The following KIAA1549L variants were observed in gnomAD, a reference collection of about 807,000 sequenced individuals.
KIAA1549L encodes the protein UPF0606 protein KIAA1549L.
A neutral mutation model predicts 160.7 loss-of-function variants in KIAA1549L; 88 were observed. The observed-to-expected ratio is 0.55, with a 90% CI of 0.46 to 0.65. KIAA1549L has a LOEUF of 0.65. Ranked by LOEUF, KIAA1549L falls within the 30% of genes least tolerant of loss-of-function variation. The pLI, the probability that KIAA1549L is intolerant of heterozygous loss-of-function variation, is 0.00. For missense variants in KIAA1549L, 2,258 were observed against 2,437.5 expected (o/e 0.93, Z 1.55); for synonymous variants, 950 against 976.7 (o/e 0.97, Z 0.51).
Position 33,542,418 on chromosome 11 carries a change from G to A in KIAA1549L, c.855G>A (p.Gln285=). 1 of 1,562,158 alleles carries A rather than the reference G, an allele frequency of 6.4e-7. No homozygotes were observed. Among genetic ancestry groups the A allele is most frequent in the Non-Finnish European group, 8.7e-7 (1 of 1,147,508 alleles). The change falls in exon 2 of 21, where the codon CAG becomes CAA. Residue 285 remains glutamine, a synonymous_variant. Transcript: ENST00000658780. ...QTAPADPSLG[Q]NIANPLIPFS... ...CTCCAGCCGACCCCTCTTTAGGTCA[G>A]AACATAGCTAATCCCTTAATCCCAT...
rs1853624939 is a variant in KIAA1549L at position 33,526,856 on chromosome 11, C to G, written c.239-14946C>G. On this transcript the variant is annotated intron_variant, in intron 1 of 20. Coordinates refer to ENST00000658780, the MANE Select transcript of KIAA1549L (RefSeq NM_012194.3). ...TCAGAAAGTTGATTATTAAGCTACT[C>G]AAGGAGGTACCAGAGAAAAGTGAAA... 2.6e-5 allele frequency among the ~76,000 whole-genome samples: 4 copies of G among 151,962 alleles called. No individual in the cohort carries two copies. The South Asian group carries it at 8.3e-4, about 32-fold the overall frequency.
chr11:33,498,838 C>T (rs980863000), intron 1 of KIAA1549L, among the ~76,000 whole-genome samples: 8 of 152,026 alleles, frequency 5.3e-5, no homozygotes, highest in Admixed American at 2.6e-4. Context: ...TGCAGAGGGG[C>T]GAGGAAAAGG....
intron 1 of KIAA1549L, among the ~76,000 whole-genome samples, chr11:33,415,671 G>C (rs1850874107): frequency 6.6e-6 from 1 of 152,166 alleles, no homozygotes; most frequent in Admixed American, 6.5e-5. Context: ...ACCTTCCTAA[G>C]TAAGCTACAT....
rs998146307 is a variant in KIAA1549L at position 33,670,384 on chromosome 11, A to G, written c.*2230A>G. On this transcript the variant is annotated 3_prime_UTR_variant, in exon 21 of 21. Coordinates refer to ENST00000658780, the MANE Select transcript of KIAA1549L (RefSeq NM_012194.3). Reference sequence around the variant, plus strand: ...ACAGTTTGCAGAGCTATGGCTCCAGAGTGCTAAGAGGGTGGAGTCACAAAT... The same window carrying G: ...ACAGTTTGCAGAGCTATGGCTCCAGGGTGCTAAGAGGGTGGAGTCACAAAT... 1 of 152,230 alleles carries G rather than the reference A, an allele frequency of 6.6e-6. No individual in the cohort carries two copies. Among genetic ancestry groups the G allele is most frequent in the African/African-American group, 2.4e-5 (1 of 41,444 alleles). The allele number at this position is 152,230 out of a possible 1,614,324, so 9.4% of individuals were successfully genotyped here. A position where few individuals can be genotyped will look rare whatever the true frequency, so the allele number is the denominator to read the frequency against.
intron 1 of KIAA1549L, among the ~76,000 whole-genome samples, chr11:33,466,326 T>G (rs1193736323): frequency 1.3e-5 from 2 of 152,144 alleles, no homozygotes; most frequent in Admixed American, 6.5e-5. Context: ...CAGACACTTC[T>G]CAAAAAAAGA....
rs1394942738 is a variant in KIAA1549L, at chr11:33,435,796, A to ATGTGTGTG, written c.238+58908_238+58909insGTGTGTGT. ...TATATATATATATATATATATATAT[A>ATGTGTGTG]TATATATATATATATGTGTGTGTAT... On this transcript the variant is annotated intron_variant, in intron 1 of 20. Transcript: ENST00000658780. Among the ~76,000 whole-genome samples the ATGTGTGTG allele has an allele frequency of 5.6e-3, 193 of 34,584 alleles. 2 individuals carry two copies. The highest frequency in any genetic ancestry group is 0.03 in the African/African-American group (170 of 5,612). 22.7% of individuals were successfully genotyped at this position (34,584 alleles called of 152,430 possible).
rs769888532 is a variant in KIAA1549L at position 33,565,705 on chromosome 11, C to CTTTTT, written c.4079-2361_4079-2357dup. Among the ~76,000 whole-genome samples the CTTTTT allele has an allele frequency of 7.0e-4, 92 of 131,584 alleles. 1 individual carries two copies. Among genetic ancestry groups the CTTTTT allele is most frequent in the African/African-American group, 1.2e-3 (44 of 35,706 alleles). The allele number at this position is 131,584 out of a possible 152,430, so 86.3% of individuals were successfully genotyped here. A position where few individuals can be genotyped will look rare whatever the true frequency, so the allele number is the denominator to read the frequency against. On this transcript the variant is annotated intron_variant, in intron 8 of 20. Coordinates refer to ENST00000658780, the MANE Select transcript of KIAA1549L (RefSeq NM_012194.3). ...ACAGCCTCTGGCACTTCCGTGGAGGCTTTTTTTTTTTTTTCAAAAAAATTT... is the reference window on the plus strand; with the variant it reads ...ACAGCCTCTGGCACTTCCGTGGAGGCTTTTTTTTTTTTTTTTTTTCAAAAAAATTT...
At position 33,591,193 on chromosome 11, in the gene KIAA1549L, C is replaced by T. The variant is rs773662402; in HGVS notation, c.4567-44C>T. On this transcript the variant is annotated intron_variant, in intron 11 of 20. Coordinates refer to ENST00000658780, the MANE Select transcript of KIAA1549L (RefSeq NM_012194.3). Reference sequence around the variant, plus strand: ...TCTCTTAAAGCCATGGTTAGAGTCACACTTCGCTAGAAATACGACTGCAAA... The same window carrying T: ...TCTCTTAAAGCCATGGTTAGAGTCATACTTCGCTAGAAATACGACTGCAAA... 31 of 1,466,244 alleles carry T rather than the reference C, an allele frequency of 2.1e-5. No individual in the cohort carries two copies. The East Asian group carries it at 6.5e-4, about 31-fold the overall frequency. The allele number at this position is 1,466,244 out of a possible 1,614,324, so 90.8% of individuals were successfully genotyped here.
At chr11:33,665,209 T>C (rs1199856551) in intron 20 of KIAA1549L, 1 of 152,218 alleles carries the variant, frequency 6.6e-6, no homozygotes, top group Non-Finnish European at 1.5e-5. Context: ...TGCAGACACA[T>C]GAAAGGTGAA....
chr11:33,417,313 C>T (rs1015554691), intron 1 of KIAA1549L, among the ~76,000 whole-genome samples: 1 of 152,022 alleles, frequency 6.6e-6, no homozygotes, highest in Non-Finnish European at 1.5e-5. Context: ...CGCATGACAC[C>T]CCCCACCCTG....
chr11:33,564,774 A>T (rs1310146471), intron 8 of KIAA1549L, among the ~76,000 whole-genome samples: 1 of 152,204 alleles, frequency 6.6e-6, no homozygotes, highest in Non-Finnish European at 1.5e-5. Context: ...TGTGGACTTC[A>T]CATTCTCCTT....
At chr11:33,478,579 T>C (rs1248316457) in intron 1 of KIAA1549L, among the ~76,000 whole-genome samples, 1 of 152,136 alleles carries the variant, frequency 6.6e-6, no homozygotes, top group Non-Finnish European at 1.5e-5. Flanking sequence ...AGGAATAGCA[T>C]TTTTTTCCAT....
In KIAA1549L at chr11:33,598,937, G is replaced by A. The variant is rs1318266445; in HGVS notation, c.4869G>A (p.Arg1623=). The A allele has an allele frequency of 6.2e-7, 1 of 1,613,348 alleles. No individual in the cohort carries two copies. The highest frequency in any genetic ancestry group is 8.5e-7 in the Non-Finnish European group (1 of 1,179,678). ...AQQKVTKEEA[R]KRNVPASDEE... ...AGAAAGTGACAAAGGAGGAGGCAAG[G>A]AAGAGAAATGGTGAGAAGCCTTCCC... Residue 1623 remains arginine, a synonymous_variant, in exon 13 of 21, where the codon AGG becomes AGA. Coordinates refer to ENST00000658780, the MANE Select transcript of KIAA1549L (RefSeq NM_012194.3).
intron 18 of KIAA1549L, among the ~76,000 whole-genome samples, chr11:33,657,880 CA>C (rs1488036785): frequency 6.6e-5 from 10 of 152,208 alleles, no homozygotes. Context: ...CCGTGGCTGT[CA>C]TTTGCTCTGT....
intron 8 of KIAA1549L, among the ~76,000 whole-genome samples, chr11:33,562,728 G>C (rs1163147635): frequency 6.7e-6 from 1 of 149,688 alleles, no homozygotes; most frequent in Non-Finnish European, 1.5e-5. Flanking sequence ...GCTCAGGCTG[G>C]AGTGCAATGA....
chr11:33,593,237 G>A (rs1023192061), intron 12 of KIAA1549L, among the ~76,000 whole-genome samples: 4 of 152,112 alleles, frequency 2.6e-5, no homozygotes, highest in Non-Finnish European at 2.9e-5. Flanking sequence ...TGAGACCAAC[G>A]TGGGCAACCA....
intron 17 of KIAA1549L, among the ~76,000 whole-genome samples, chr11:33,651,498 T>C (rs77362090): frequency 5.8e-4 from 21 of 36,360 alleles, no homozygotes; most frequent in African/African-American, 5.7e-3. Flanking sequence ...TGTGCCTCCT[T>C]CTTCCCTGGG....
intron 16 of KIAA1549L, among the ~76,000 whole-genome samples, chr11:33,635,686 CATTCATTTTA>C: frequency 3.3e-5 from 1 of 30,058 alleles, no homozygotes; most frequent in South Asian, 6.8e-4. Context: ...AAAACTGTTT[CATTCATTTTA>C]GACAAAACTG....
intron 14 of KIAA1549L, 63 bp from the exon 15 acceptor site, chr11:33,609,686 A>G (rs1253366032): frequency 2.3e-6 from 3 of 1,316,294 alleles, no homozygotes; most frequent in Non-Finnish European, 1.1e-6. Flanking sequence ...CCTCCTGGTG[A>G]AAGTCTCCCA....
Sources: gnomAD v4.1 joint callset for allele counts (sites outside exome capture counted in the v4.1 genomes callset) on GRCh38, gnomAD v4.1.1 for gene constraint, MANE v1.5 for transcripts, NCBI Gene and HGNC (gene_info 2026-07-23, HGNC 2026-07-21) for gene names.